Variants in EVI5 observed in about 807,000 individuals in gnomAD.
EVI5 encodes ecotropic viral integration site 5, also known as ecotropic viral integration site 5 protein homolog.
Under a neutral mutation model 112.0 loss-of-function variants are expected in EVI5, and 73 were observed. The ratio of observed to expected loss-of-function variants is 0.65; its 90% CI spans 0.54 to 0.79. The LOEUF (loss-of-function observed/expected upper bound fraction) is 0.79, where lower values mean the gene tolerates loss of function less well. EVI5 is among the 30% of genes least tolerant of loss of function. The pLI, the probability that EVI5 is intolerant of heterozygous loss-of-function variation, is 0.00. For synonymous variants in EVI5, 305 were observed against 319.9 expected, an observed-to-expected ratio of 0.95 and a Z score of 0.50; for missense variants, 900 against 968.8, an observed-to-expected ratio of 0.93 and a Z score of 0.94.
At position 92,687,918 on chromosome 1, in the gene EVI5, C is replaced by T. The variant is rs192559957; in HGVS notation, c.1097+5884G>A. Reference sequence around the variant, plus strand: ...TGGAGAGGATGTGAAGAAATAGGAACGCTTACACTGTTGGTGGGAGTGTAA... The same window carrying T: ...TGGAGAGGATGTGAAGAAATAGGAATGCTTACACTGTTGGTGGGAGTGTAA... On this transcript the variant is annotated intron_variant, in intron 9 of 19. Coordinates refer to ENST00000684568, the MANE Select transcript of EVI5 (RefSeq NM_001350197.2). 1.6e-3 allele frequency among the ~76,000 whole-genome samples: 237 copies of T among 152,226 alleles called. 3 individuals are homozygous for T. The highest frequency in any genetic ancestry group is 2.6e-3 in the Non-Finnish European group (176 of 67,996).
rs61310991 is a variant in EVI5 at position 92,586,606 on chromosome 1, C to CTGTGTG, written c.2070+18695_2070+18700dup. 7.0e-3 allele frequency among the ~76,000 whole-genome samples: 509 copies of CTGTGTG among 72,772 alleles called. 2 individuals are homozygous for CTGTGTG. The highest frequency in any genetic ancestry group is 0.019 in the African/African-American group (451 of 23,214). 47.7% of individuals were successfully genotyped at this position (72,772 alleles called of 152,430 possible). ...AATGTAGGTTTTTTTTTTTTTTTGG[C>CTGTGTG]TGTGTGTGTGTGTGTGTGTGTGTGT... On this transcript the variant is annotated intron_variant, in intron 18 of 19. Coordinates refer to ENST00000684568, the MANE Select transcript of EVI5 (RefSeq NM_001350197.2).
chr1:92,646,232 A>G (rs759049673), intron 13 of EVI5, among the ~76,000 whole-genome samples: 9 of 152,120 alleles, frequency 5.9e-5, no homozygotes, highest in Non-Finnish European at 1.0e-4. Flanking sequence ...TCAGCATTCT[A>G]AACATACAAA....
At chr1:92,630,725 A>G (rs1464151404) in intron 14 of EVI5, among the ~76,000 whole-genome samples, 2 of 152,158 alleles carry the variant, frequency 1.3e-5, no homozygotes, top group Non-Finnish European at 2.9e-5. Flanking sequence ...TTGGTGTTTT[A>G]GACATGAAGT....
intron 18 of EVI5, among the ~76,000 whole-genome samples, chr1:92,603,629 A>G (rs1262322261): frequency 1.3e-5 from 2 of 151,766 alleles, no homozygotes; most frequent in African/African-American, 4.8e-5. Flanking sequence ...AAACTTTTTG[A>G]CTCTTTTATA....
chr1:92,519,864 C>G (rs1397085873), intron 19 of EVI5, among the ~76,000 whole-genome samples: 3 of 149,780 alleles, frequency 2.0e-5, no homozygotes. Flanking sequence ...CCACTGCACT[C>G]CAGCCTGGGC....
At chr1:92,598,051 C>CT (rs942025402) in intron 18 of EVI5, among the ~76,000 whole-genome samples, 2 of 151,760 alleles carry the variant, frequency 1.3e-5, no homozygotes, top group African/African-American at 4.8e-5. Context: ...AAAGTGAGAC[C>CT]TTTTTTTTGA....
At chr1:92,778,914 T>A (rs1684506804) in intron 1 of EVI5, among the ~76,000 whole-genome samples, 1 of 152,218 alleles carries the variant, frequency 6.6e-6, no homozygotes, top group Non-Finnish European at 1.5e-5. Flanking sequence ...ACACCTAATT[T>A]TTTTAACTAT....
chr1:92,645,793 T>C (rs1297490122), intron 13 of EVI5, among the ~76,000 whole-genome samples: 1 of 152,150 alleles, frequency 6.6e-6, no homozygotes, highest in Non-Finnish European at 1.5e-5. Context: ...CAAATTAATG[T>C]CTCTTATATC....
rs941888165 is a variant in EVI5, at chr1:92,744,012, C to T, written c.-81-7385G>A. Among the ~76,000 whole-genome samples, 9 of 152,190 alleles carry T rather than the reference C, an allele frequency of 5.9e-5. 1 individual carries two copies. Among genetic ancestry groups the T allele is most frequent in the Admixed American group, 3.9e-4 (6 of 15,284 alleles). ...AATCAAACTCTAAGCACTGCTTTTG[C>T]TGCTTTTCATTTTCCTTCAGTTCAA... On this transcript the variant is annotated intron_variant, in intron 1 of 19. Transcript: ENST00000684568.
chr1:92,679,007 G>C (rs1314494609), intron 9 of EVI5, among the ~76,000 whole-genome samples: 1 of 152,190 alleles, frequency 6.6e-6, no homozygotes, highest in African/African-American at 2.4e-5. Flanking sequence ...ACCAATACCA[G>C]TCTGTGGCCT....
At chr1:92,784,103 G>A (rs1291636640) in intron 1 of EVI5, among the ~76,000 whole-genome samples, 1 of 152,172 alleles carries the variant, frequency 6.6e-6, no homozygotes, top group East Asian at 1.9e-4. Flanking sequence ...GGAAAGCGAG[G>A]AAACCATTCC....
intron 2 of EVI5, among the ~76,000 whole-genome samples, chr1:92,722,914 G>A (rs1354909607): frequency 6.6e-6 from 1 of 152,180 alleles, no homozygotes; most frequent in Non-Finnish European, 1.5e-5. Context: ...CTTACCCACT[G>A]AGTGCTGAGA....
At chr1:92,746,186 C>T (rs1679221467) in intron 1 of EVI5, among the ~76,000 whole-genome samples, 2 of 152,158 alleles carry the variant, frequency 1.3e-5, no homozygotes, top group African/African-American at 4.8e-5. Flanking sequence ...GCTGCTTGAC[C>T]ACATTGCAGG....
rs928999760 is a variant in EVI5, at chr1:92,693,977, A to C, written c.1000-78T>G. ...GAAATCCAAAGACATTCAAGAAATT[A>C]TGGGCTGGGCGTGGTGGCTCATGCT... On this transcript the variant is annotated intron_variant, in intron 8 of 19. Coordinates refer to ENST00000684568, the MANE Select transcript of EVI5 (RefSeq NM_001350197.2). 3.3e-4 allele frequency: 301 copies of C among 916,962 alleles called. 1 individual carries two copies. The highest frequency in any genetic ancestry group is 7.5e-5 in the Non-Finnish European group (43 of 576,362). 56.8% of individuals were successfully genotyped at this position (916,962 alleles called of 1,614,324 possible). A position where few individuals can be genotyped will look rare whatever the true frequency, so the allele number is the denominator to read the frequency against.
At chr1:92,644,701 A>G (rs1274458261) in intron 13 of EVI5, among the ~76,000 whole-genome samples, 1 of 152,176 alleles carries the variant, frequency 6.6e-6, no homozygotes, top group Non-Finnish European at 1.5e-5. Flanking sequence ...GATGTGTCCC[A>G]CAAATTTTTA....
rs546618698 is a variant in EVI5, at chr1:92,696,207, C to T, written c.766-754G>A. ...TCAGCCTCCTAAAGTGCTGGGATTA[C>T]AAACATGGGCCACTGCGTCCAGCCA... On this transcript the variant is annotated intron_variant, in intron 6 of 19. Coordinates refer to ENST00000684568, the MANE Select transcript of EVI5 (RefSeq NM_001350197.2). Among the ~76,000 whole-genome samples the T allele has an allele frequency of 5.9e-5, 9 of 152,224 alleles. 1 individual carries two copies. The East Asian group carries it at 1.7e-3, about 29-fold the overall frequency.
intron 10 of EVI5, among the ~76,000 whole-genome samples, chr1:92,676,460 A>C (rs1456982773): frequency 6.6e-6 from 1 of 152,166 alleles, no homozygotes; most frequent in Non-Finnish European, 1.5e-5. Flanking sequence ...TGAATTGGCC[A>C]ATCACTAAGT....
intron 18 of EVI5, among the ~76,000 whole-genome samples, chr1:92,590,430 G>A (rs1673619863): frequency 6.6e-6 from 1 of 152,186 alleles, no homozygotes; most frequent in African/African-American, 2.4e-5. Context: ...AGGAGCTGAT[G>A]GAGCTGAAAA....
intron 18 of EVI5, among the ~76,000 whole-genome samples, chr1:92,569,415 A>AGTTCC (rs1669968695): frequency 6.6e-6 from 1 of 152,212 alleles, no homozygotes; most frequent in Admixed American, 6.5e-5. Flanking sequence ...AATGGGAACT[A>AGTTCC]CAATATATAA....
Sources: gnomAD v4.1 joint callset for allele counts (sites outside exome capture counted in the v4.1 genomes callset) on GRCh38, gnomAD v4.1.1 for gene constraint, MANE v1.5 for transcripts, NCBI Gene and HGNC (gene_info 2026-07-23, HGNC 2026-07-21) for gene names.